UST: variants seen among roughly 807,000 people sequenced by gnomAD.
UST encodes the protein uronyl 2-sulfotransferase.
A neutral mutation model predicts 45.6 loss-of-function variants in UST; 21 were observed. The observed-to-expected ratio is 0.46, with a 90% CI of 0.33 to 0.66. The LOEUF (loss-of-function observed/expected upper bound fraction) is 0.66, where lower values mean the gene tolerates loss of function less well. UST is among the 30% of genes least tolerant of loss of function. UST has a pLI of 0.02. For synonymous variants in UST, 215 were observed against 200.6 expected (o/e 1.07, Z -0.61); for missense variants, 463 against 512.4 (o/e 0.90, Z 0.93).
chr6:148,959,816 C>A (rs1430968566), intron 4 of UST, among the ~76,000 whole-genome samples: 1 of 151,908 alleles, frequency 6.6e-6, no homozygotes, highest in African/African-American at 2.4e-5. Flanking sequence ...ACAGCTGTCT[C>A]TTCTGCTTGT....
chr6:148,982,629 C>T (rs1177295322), intron 5 of UST, among the ~76,000 whole-genome samples: 1 of 152,186 alleles, frequency 6.6e-6, no homozygotes, highest in Non-Finnish European at 1.5e-5. Context: ...GAGTACATCA[C>T]TCCATTATAG....
chr6:148,964,812 T>C, intron 5 of UST: 1 of 511,306 alleles, frequency 2.0e-6, no homozygotes, highest in Non-Finnish European at 3.5e-6. Flanking sequence ...TAGTGCTAGG[T>C]TTTGGGACCC....
intron 1 of UST, among the ~76,000 whole-genome samples, chr6:148,871,143 T>TCTCTCTCTCTCTCTCC (rs1345024482): frequency 1.4e-5 from 2 of 147,310 alleles, no homozygotes; most frequent in Non-Finnish European, 3.0e-5. Flanking sequence ...TCTCTCTCTC[T>TCTCTCTCTCTCTCTCC]CTCCCTCTCT....
intron 7 of UST, among the ~76,000 whole-genome samples, chr6:149,072,283 A>G (rs1272712773): frequency 6.6e-6 from 1 of 152,226 alleles, no homozygotes; most frequent in Non-Finnish European, 1.5e-5. Flanking sequence ...GAAACAACCC[A>G]AGTGTCTCTC....
intron 1 of UST, among the ~76,000 whole-genome samples, chr6:148,883,486 A>C (rs1385234506): frequency 6.6e-6 from 1 of 152,186 alleles, no homozygotes; most frequent in African/African-American, 2.4e-5. Context: ...AGCTTAACAG[A>C]CTGGACTTCC....
intron 7 of UST, among the ~76,000 whole-genome samples, chr6:149,051,344 A>G (rs1406408695): frequency 1.3e-5 from 2 of 152,204 alleles, no homozygotes; most frequent in Non-Finnish European, 2.9e-5. Context: ...ACCAGACATG[A>G]TGTAGAAAGT....
At chr6:148,840,021 G>A (rs1054817527) in intron 1 of UST, among the ~76,000 whole-genome samples, 9 of 152,176 alleles carry the variant, frequency 5.9e-5, no homozygotes, top group Non-Finnish European at 1.0e-4. Flanking sequence ...TGAAGGGAAT[G>A]TTGTCTGAGT....
chr6:148,833,441 C>G (rs1304209409), intron 1 of UST, among the ~76,000 whole-genome samples: 1 of 152,088 alleles, frequency 6.6e-6, no homozygotes, highest in Admixed American at 6.6e-5. Flanking sequence ...GACCTGAGAT[C>G]GTGCGACTGC....
At chr6:148,769,178 T>A (rs114082266) in intron 1 of UST, among the ~76,000 whole-genome samples, 117 of 152,318 alleles carry the variant, frequency 7.7e-4, no homozygotes, top group African/African-American at 2.6e-3. Flanking sequence ...AGCCTGGCTG[T>A]CTGTTTGGGG....
intron 2 of UST, among the ~76,000 whole-genome samples, chr6:148,906,821 T>A (rs1779372337): frequency 6.6e-6 from 1 of 152,222 alleles, no homozygotes; most frequent in Non-Finnish European, 1.5e-5. Context: ...ACAGGCCTAG[T>A]CTATCCTGGA....
intron 1 of UST, among the ~76,000 whole-genome samples, chr6:148,865,664 TTGTGTGTGTG>T (rs56252604): frequency 0.049 from 5,727 of 117,840 alleles, 130 homozygotes; most frequent in Middle Eastern, 0.091. Context: ...CTTGCTGAAA[TTGTGTGTGTG>T]TGTGTGTGTG....
chr6:148,979,271 A>T (rs774982566), intron 5 of UST, among the ~76,000 whole-genome samples: 57 of 152,188 alleles, frequency 3.7e-4, no homozygotes, highest in Non-Finnish European at 7.3e-4. Context: ...ACATTTAACA[A>T]ATTGTAATAA....
intron 1 of UST, among the ~76,000 whole-genome samples, chr6:148,766,775 G>C (rs933497082): frequency 1.3e-5 from 2 of 152,206 alleles, no homozygotes; most frequent in African/African-American, 4.8e-5. Flanking sequence ...GGTCAAGGGT[G>C]TATGTGTTAA....
intron 1 of UST, among the ~76,000 whole-genome samples, chr6:148,807,506 A>G (rs1224815184): frequency 6.6e-6 from 1 of 152,122 alleles, no homozygotes; most frequent in Non-Finnish European, 1.5e-5. Context: ...ATATTTGCCT[A>G]GTATGTGTGC....
intron 1 of UST, among the ~76,000 whole-genome samples, chr6:148,778,631 T>G (rs1376713850): frequency 6.6e-6 from 1 of 152,146 alleles, no homozygotes; most frequent in African/African-American, 2.4e-5. Context: ...CCTGTGACAA[T>G]CCCTGCATCA....
intron 7 of UST, among the ~76,000 whole-genome samples, chr6:149,026,808 T>C (rs1047068494): frequency 6.6e-6 from 1 of 152,212 alleles, no homozygotes; most frequent in African/African-American, 2.4e-5. Flanking sequence ...TGACTAGCAC[T>C]ACATTAGTAT....
chr6:148,922,366 C>T (rs917815161), intron 2 of UST, among the ~76,000 whole-genome samples: 1 of 80,798 alleles, frequency 1.2e-5, no homozygotes. Context: ...CAATATGTGG[C>T]CTTTATGTCT....
chr6:148,755,394 A>G (rs1404835944), intron 1 of UST, among the ~76,000 whole-genome samples: 2 of 152,246 alleles, frequency 1.3e-5, no homozygotes, highest in African/African-American at 4.8e-5. Flanking sequence ...TCAAAAATAT[A>G]TATAATCAAA....
chr6:148,941,435 G>A lies in UST; in HGVS notation c.447+1G>A. 6.3e-7 allele frequency: 1 copy of A among 1,589,634 alleles called. No homozygotes were observed. Among genetic ancestry groups the A allele is most frequent in the Non-Finnish European group, 8.5e-7 (1 of 1,172,548 alleles). ...AACCAGGCTTACTAAAAATGAACAA[G>A]TAAGTTGACTTTGCACATTGTTAAA... On this transcript the variant is annotated splice_donor_variant, in intron 3 of 7. Transcript: ENST00000367463. LOFTEE classifies it high-confidence loss of function.
Sources: gnomAD v4.1 joint callset for allele counts (sites outside exome capture counted in the v4.1 genomes callset) on GRCh38, gnomAD v4.1.1 for gene constraint, MANE v1.5 for transcripts, NCBI Gene and HGNC (gene_info 2026-07-23, HGNC 2026-07-21) for gene names.